Variants in ACAD9 observed in about 807,000 individuals in gnomAD.
ACAD9 encodes the protein complex I assembly factor ACAD9, mitochondrial.
In ACAD9, 53 loss-of-function variants were observed where a neutral mutation model predicts 70.2. The ratio of observed to expected loss-of-function variants is 0.75; its 90% CI spans 0.61 to 0.95. The LOEUF is 0.95. Among genes scored for constraint, ACAD9 ranks in the 40% least tolerant of loss-of-function variants. The pLI is 0.00. For synonymous variants in ACAD9, 313 were observed against 312.1 expected (o/e 1.00, Z -0.03); for missense variants, 777 against 802.8 (o/e 0.97, Z 0.39).
chr3:128,890,678 G>A (rs1203384056), intron 2 of ACAD9, among the ~76,000 whole-genome samples: 3 of 151,920 alleles, frequency 2.0e-5, no homozygotes, highest in African/African-American at 7.2e-5. Flanking sequence ...CTCCAGCCTG[G>A]GCGACAGAAC....
At chr3:128,907,879 C>A (rs112484536) in intron 12 of ACAD9, among the ~76,000 whole-genome samples, 4 of 152,242 alleles carry the variant, frequency 2.6e-5, no homozygotes, top group African/African-American at 9.6e-5. Flanking sequence ...CCCCTCACCA[C>A]CCGGGGAAAG....
chr3:128,888,415 C>G (rs1293165248), intron 2 of ACAD9, among the ~76,000 whole-genome samples: 1 of 152,052 alleles, frequency 6.6e-6, no homozygotes, highest in Admixed American at 6.6e-5. Flanking sequence ...CCTGTCTCTA[C>G]TAAAAATATA....
rs1228691793 is a variant in ACAD9, at chr3:128,901,450, G to A, written c.882+101G>A. Reference sequence around the variant, plus strand: ...CCCTGCTCGTAGCAGAGTAGCCTGTGCATGGCAGGTGACTTTGCATGGTTA... The same window carrying A: ...CCCTGCTCGTAGCAGAGTAGCCTGTACATGGCAGGTGACTTTGCATGGTTA... On this transcript the variant is annotated intron_variant, in intron 8 of 17. Coordinates refer to ENST00000308982, the MANE Select transcript of ACAD9 (RefSeq NM_014049.5). The A allele has an allele frequency of 2.3e-6, 3 of 1,309,032 alleles. No homozygotes were observed. The African/African-American group carries it at 4.4e-5, about 19-fold the overall frequency. The allele number at this position is 1,309,032 out of a possible 1,614,324, so 81.1% of individuals were successfully genotyped here. A position where few individuals can be genotyped will look rare whatever the true frequency, so the allele number is the denominator to read the frequency against.
chr3:128,895,570 G>T (rs1935547584), intron 4 of ACAD9, among the ~76,000 whole-genome samples, 154 bp downstream of exon 4: 3 of 152,156 alleles, frequency 2.0e-5, no homozygotes. Flanking sequence ...ACACCTCATG[G>T]TGCTCAATCC....
chr3:128,879,743 C>T lies in ACAD9; in HGVS notation c.52C>T (p.Arg18Trp). Reference protein sequence around the residue: ...LRTTAAARACRGLVVSTANRR... With the variant: ...LRTTAAARACWGLVVSTANRR... The stretch of plus-strand genomic sequence containing the variant: ...CACCACGGCTGCGGCTCGTGCCTGC[C>T]GGGGTCTGGTGGTCTCTACCGCGAA... The change falls in exon 1 of 18, where the codon CGG (arginine) becomes TGG (tryptophan). Residue 18 changes from arginine (R) to tryptophan (W), a missense_variant. Arg to Trp is a moderately radical substitution (Grantham distance 101, BLOSUM62 -3). Transcript: ENST00000308982. The T allele has an allele frequency of 1.9e-6, 3 of 1,613,058 alleles. No homozygotes were observed. Among genetic ancestry groups the T allele is most frequent in the Non-Finnish European group, 2.5e-6 (3 of 1,179,972 alleles).
In ACAD9 at chr3:128,909,071, A is replaced by G. The variant is rs775249627; in HGVS notation, c.1457A>G (p.Asn486Ser). Residue 486 changes from asparagine (N) to serine (S), a missense_variant, in exon 14 of 18, where the codon AAC becomes AGC. Coordinates refer to ENST00000308982, the MANE Select transcript of ACAD9 (RefSeq NM_014049.5). ...ACTGTGGACCTGGGGCTGACAGGCA[A>G]CCATGGAGTTGTGCACCCCAGTCTT... ...GRTVDLGLTGNHGVVHPSLAD... is the reference protein window; with the variant it reads ...GRTVDLGLTGSHGVVHPSLAD... 8 of 1,614,072 alleles carry G rather than the reference A, an allele frequency of 5.0e-6. No individual in the cohort carries two copies. The highest frequency in any genetic ancestry group is 6.8e-6 in the Non-Finnish European group (8 of 1,180,008).
chr3:128,897,770 G>C (rs1331536969), intron 6 of ACAD9, 60 bp downstream of exon 6: 5 of 1,459,784 alleles, frequency 3.4e-6, no homozygotes, highest in Non-Finnish European at 4.8e-6. Context: ...CTGCCACTGA[G>C]TGAGCACTCT....
intron 3 of ACAD9, 100 bp from the exon 4 acceptor site, chr3:128,895,210 T>C (rs2107650063): frequency 2.2e-6 from 2 of 891,432 alleles, no homozygotes; most frequent in African/African-American, 1.8e-5. Flanking sequence ...TATGGTGATC[T>C]GGCATTACTT....
rs1935885868 is a variant in ACAD9 at position 128,906,233 on chromosome 3, T to C, written c.1262T>C (p.Ile421Thr). 1 of 1,614,008 alleles carries C rather than the reference T, an allele frequency of 6.2e-7. No homozygotes were observed. The highest frequency in any genetic ancestry group is 1.3e-5 in the African/African-American group (1 of 74,936). Residue 421 changes from isoleucine to threonine, a missense_variant, in exon 12 of 18, where the codon ATC becomes ACC. By Grantham distance (89) the Ile-to-Thr change is moderately conservative (BLOSUM62 -1). Coordinates refer to ENST00000308982, the MANE Select transcript of ACAD9 (RefSeq NM_014049.5). ...PYERILRDTR[I>T]LLIFEGTNEI... Reference sequence around the variant, plus strand: ...GAGCGCATACTGCGTGACACCCGCATCCTCCTCATCTTCGAGGTGAGTGGC... The same window carrying C: ...GAGCGCATACTGCGTGACACCCGCACCCTCCTCATCTTCGAGGTGAGTGGC...
At chr3:128,879,942 G>C in intron 1 of ACAD9, 101 bp downstream of exon 1, 1 of 1,593,382 alleles carries the variant, frequency 6.3e-7, no homozygotes, top group Non-Finnish European at 8.5e-7. Flanking sequence ...AAACCTGCCA[G>C]AGAGATACAC....
At chr3:128,882,168 C>T (rs754199380) in intron 1 of ACAD9, among the ~76,000 whole-genome samples, 2 of 152,162 alleles carry the variant, frequency 1.3e-5, no homozygotes, top group Non-Finnish European at 2.9e-5. Context: ...GCACGCCCTG[C>T]CACACCCAGC....
chr3:128,902,734 C>G lies in ACAD9; in HGVS notation c.958+106C>G. The G allele has an allele frequency of 4.8e-6, 6 of 1,259,014 alleles. No homozygotes were observed. The highest frequency in any genetic ancestry group is 5.7e-6 in the Non-Finnish European group (5 of 880,140). 78.0% of individuals were successfully genotyped at this position (1,259,014 alleles called of 1,614,324 possible). A position where few individuals can be genotyped will look rare whatever the true frequency, so the allele number is the denominator to read the frequency against. On this transcript the variant is annotated intron_variant, in intron 9 of 17. Transcript: ENST00000308982. This position sits in a 1 kb window ranked among gnomAD's most constrained non-coding sequence, Gnocchi z 4.0. ...CGGCCCCTTCCAGGCCAGTGCTGAA[C>G]CAGGCTACCAGCCTGAGCTCAGTCC...
chr3:128,893,577 G>A lies in ACAD9; in HGVS notation c.267G>A (p.Gln89=). ...TEEVDSRKID[Q]EGKIPDETLE... ...CAGTGGACTCCCGAAAAATTGACCA[G>A]GAAGGGAAAATCCCAGATGAAACTT... The change falls in exon 3 of 18, where the codon CAG becomes CAA. Residue 89 remains glutamine (Q), a synonymous_variant. Coordinates refer to ENST00000308982, the MANE Select transcript of ACAD9 (RefSeq NM_014049.5). 1 of 1,614,120 alleles carries A rather than the reference G, an allele frequency of 6.2e-7. No homozygotes were observed. Among genetic ancestry groups the A allele is most frequent in the Non-Finnish European group, 8.5e-7 (1 of 1,179,998 alleles).
Position 128,909,385 on chromosome 3 carries a change from C to A in ACAD9, c.1527C>A (p.Gly509=), listed in dbSNP as rs1936039355. 1.9e-6 allele frequency: 3 copies of A among 1,614,188 alleles called. No homozygotes were observed. The highest frequency in any genetic ancestry group is 2.5e-6 in the Non-Finnish European group (3 of 1,180,042). ...TTGAGGAGAACACCTACTGCTTCGG[C>A]CGGACCGTGGAGACACTGCTGCTCC... ...NKFEENTYCF[G]RTVETLLLRF... The change falls in exon 15 of 18, where the codon GGC becomes GGA. Residue 509 remains glycine, a synonymous_variant. Coordinates refer to ENST00000308982, the MANE Select transcript of ACAD9 (RefSeq NM_014049.5).
chr3:128,899,352 T>C lies in ACAD9; in HGVS notation c.699T>C (p.Asp233=), dbSNP rs1334271124. Residue 233 remains aspartate (D), a synonymous_variant, in exon 7 of 18, where the codon GAT becomes GAC. Coordinates refer to ENST00000308982, the MANE Select transcript of ACAD9 (RefSeq NM_014049.5). ...TGTTTGCAAAGACTGAGGTCGTTGATTCTGATGGATCAGTGAAAGACAAAA... is the reference window on the plus strand; with the variant it reads ...TGTTTGCAAAGACTGAGGTCGTTGACTCTGATGGATCAGTGAAAGACAAAA... ...FTVFAKTEVV[D]SDGSVKDKIT... 2 of 1,614,274 alleles carry C rather than the reference T, an allele frequency of 1.2e-6. No individual in the cohort carries two copies. The highest frequency in any genetic ancestry group is 1.7e-6 in the Non-Finnish European group (2 of 1,180,048).
chr3:128,910,757 CCTT>C lies in ACAD9; in HGVS notation c.1712_1714del (p.Phe571del), dbSNP rs1936201125. On this transcript the variant is annotated inframe_deletion, in exon 17 of 18. Transcript: ENST00000308982. ...TTCTGGCAGGTTCTCTTGGCCAACA[CCTT>C]CTGCGTGGAAGCTTACTTGCAGAAT... is the stretch of plus-strand genomic sequence containing the variant. The C allele has an allele frequency of 1.9e-6, 3 of 1,614,236 alleles. No homozygotes were observed. The highest frequency in any genetic ancestry group is 2.5e-6 in the Non-Finnish European group (3 of 1,180,044).
In ACAD9 at chr3:128,904,501, T is replaced by G. The variant is rs1935831982; in HGVS notation, c.1145T>G (p.Val382Gly). ...FPDCSIEAAM[V>G]KVFSSEAAWQ... ...GACTGCTCCATCGAGGCAGCCATGG[T>G]GAAGGTAACCCTGGCATAGCCAGAG... The change falls in exon 11 of 18, where the codon GTG (valine) becomes GGG (glycine). Residue 382 changes from valine (V) to glycine (G), a missense_variant. By Grantham distance (109) the Val-to-Gly change is moderately radical (BLOSUM62 -3). Transcript: ENST00000308982. 6.2e-7 allele frequency: 1 copy of G among 1,613,806 alleles called. No individual in the cohort carries two copies. Among genetic ancestry groups the G allele is most frequent in the Non-Finnish European group, 8.5e-7 (1 of 1,180,006 alleles).
rs751223265 is a variant in ACAD9 at position 128,902,119 on chromosome 3, T to C, written c.883-434T>C. On this transcript the variant is annotated intron_variant, in intron 8 of 17. Coordinates refer to ENST00000308982, the MANE Select transcript of ACAD9 (RefSeq NM_014049.5). The surrounding 1 kb of genome is among the most constrained non-coding windows in gnomAD (Gnocchi z 4.0). ...TCATCCATTCACCAGCTGATGGACA[T>C]TGGGGTTGTTACCGCTTTTGGCTGC... Among the ~76,000 whole-genome samples, 3 of 152,246 alleles carry C rather than the reference T, an allele frequency of 2.0e-5. No homozygotes were observed. The highest frequency in any genetic ancestry group is 2.9e-5 in the Non-Finnish European group (2 of 68,040).
chr3:128,895,649 C>T (rs1935549722), intron 4 of ACAD9, among the ~76,000 whole-genome samples: 1 of 152,192 alleles, frequency 6.6e-6, no homozygotes, highest in Admixed American at 6.5e-5. Flanking sequence ...CACCTCCTGT[C>T]CCCATTGCCT....
Sources: allele counts gnomAD v4.1 joint callset (sites outside exome capture counted in the v4.1 genomes callset), GRCh38; gene constraint gnomAD v4.1.1; non-coding constraint Gnocchi (gnomAD v3.1); transcripts MANE v1.5; gene names NCBI Gene and HGNC (gene_info 2026-07-23, HGNC 2026-07-21).